Variants in EXOC3L4 observed in about 807,000 individuals in gnomAD.
EXOC3L4 encodes exocyst complex component 3-like protein 4.
In EXOC3L4, 62 loss-of-function variants were observed where a neutral mutation model predicts 69.7. That is an observed-to-expected ratio of 0.89 (90% CI 0.72 to 1.10). The LOEUF (loss-of-function observed/expected upper bound fraction) is 1.10, where lower values mean the gene tolerates loss of function less well. Among genes scored for constraint, EXOC3L4 ranks in the 50% least tolerant of loss-of-function variants. The probability of loss-of-function intolerance (pLI) is 0.00; values close to 1 mark genes in which losing one functional copy is unlikely to be tolerated. For synonymous variants in EXOC3L4, 502 were observed against 464.2 expected (o/e 1.08, Z -1.05); for missense variants, 1,087 against 1,034.8 (o/e 1.05, Z -0.69).
intron 5 of EXOC3L4, 64 bp from the exon 6 acceptor site, chr14:103,104,674 C>T: frequency 7.3e-7 from 1 of 1,368,986 alleles, no homozygotes; most frequent in South Asian, 1.5e-5. Context: ...CGGGGGCTAC[C>T]AGGGGACCCG....
In EXOC3L4 at chr14:103,097,905, T is replaced by TG. The variant is rs1454408699; in HGVS notation, c.-16-2293dup. 2.0e-5 allele frequency among the ~76,000 whole-genome samples: 3 copies of TG among 149,534 alleles called. No individual in the cohort carries two copies. Among genetic ancestry groups the TG allele is most frequent in the South Asian group, 4.3e-4 (2 of 4,680 alleles). On this transcript the variant is annotated intron_variant, in intron 1 of 11. Transcript: ENST00000688303. This position sits in a 1 kb window ranked among gnomAD's most constrained non-coding sequence, Gnocchi z 4.9. ...CTGGTGAGGTGTCATCAGCGGGAGG[T>TG]GGGGGGTGGAGGAAGGAGGTTCCAG...
In EXOC3L4 at chr14:103,109,182, T is replaced by TC. The variant is rs199908162; in HGVS notation, c.1976+666dup. Among the ~76,000 whole-genome samples, 292 of 49,686 alleles carry TC rather than the reference T, an allele frequency of 5.9e-3. 21 individuals are homozygous for TC. The highest frequency in any genetic ancestry group is 0.023 in the African/African-American group (272 of 11,708). The allele number at this position is 49,686 out of a possible 152,430, so 32.6% of individuals were successfully genotyped here. A position where few individuals can be genotyped will look rare whatever the true frequency, so the allele number is the denominator to read the frequency against. ...TCCACCACCTGTCCCCCGGTCTCCC[T>TC]CTCTCCCTCGCCACCCTGTCCCCAT... On this transcript the variant is annotated intron_variant, in intron 11 of 11. Coordinates refer to ENST00000688303, the MANE Select transcript of EXOC3L4 (RefSeq NM_001077594.2).
At chr14:103,101,575 ACAGGGTTG>A (rs1201029885) in intron 2 of EXOC3L4, among the ~76,000 whole-genome samples, 3 of 152,156 alleles carry the variant, frequency 2.0e-5, no homozygotes, top group African/African-American at 7.2e-5. Context: ...ACAGCTGATC[ACAGGGTTG>A]CAGAGGGTGC....
rs1890838336 is a variant in EXOC3L4 at position 103,110,060 on chromosome 14, T to C, written c.2006T>C (p.Leu669Pro). The change falls in exon 12 of 12, where the codon CTG becomes CCG. Residue 669 changes from leucine (L) to proline (P), a missense_variant. Coordinates refer to ENST00000688303, the MANE Select transcript of EXOC3L4 (RefSeq NM_001077594.2). ...GACCACATACTGGCCATTCTGGCGC[T>C]GCGCCGACTGGGCCGCCAGCGGAAC... ...RRDHILAILA[L>P]RRLGRQRNQH... The C allele has an allele frequency of 2.5e-6, 4 of 1,600,584 alleles. No individual in the cohort carries two copies. In the South Asian group the frequency reaches 4.5e-5, roughly 18 times the overall value.
chr14:103,107,485 T>G lies in EXOC3L4; in HGVS notation c.1643T>G (p.Met548Arg), dbSNP rs762788433. 1 of 1,613,820 alleles carries G rather than the reference T, an allele frequency of 6.2e-7. No individual in the cohort carries two copies. Among genetic ancestry groups the G allele is most frequent in the South Asian group, 1.1e-5 (1 of 91,086 alleles). The change falls in exon 9 of 12, where the codon ATG becomes AGG. Residue 548 changes from methionine to arginine, a missense_variant. Transcript: ENST00000688303. ...WLTQDWLHPL[M>R]DKVVTFAGHL... ...ACGCAGGACTGGCTGCATCCCCTCA[T>G]GGACAAGGTGGTGACCTTCGCCGGT...
chr14:103,106,140 C>G (rs1445713619), intron 7 of EXOC3L4, among the ~76,000 whole-genome samples: 2 of 152,248 alleles, frequency 1.3e-5, no homozygotes, highest in Admixed American at 6.5e-5. Flanking sequence ...AGAGCACAGG[C>G]CTGGAAAGGA....
At position 103,100,516 on chromosome 14, in the gene EXOC3L4, T is replaced by G. The variant is rs138581876; in HGVS notation, c.297T>G (p.His99Gln). The change falls in exon 2 of 12, where the codon CAT (histidine) becomes CAG (glutamine). Residue 99 changes from histidine (H) to glutamine (Q), a missense_variant. Physicochemically the swap from His to Gln is conservative, Grantham distance 24. Coordinates refer to ENST00000688303, the MANE Select transcript of EXOC3L4 (RefSeq NM_001077594.2). ...QALNDGPATGHSQATPEVPSG... is the reference protein window; with the variant it reads ...QALNDGPATGQSQATPEVPSG... The stretch of plus-strand genomic sequence containing the variant: ...TGAATGACGGCCCAGCTACCGGCCA[T>G]TCCCAGGCCACTCCTGAGGTGCCCT... The G allele has an allele frequency of 1.9e-5, 30 of 1,612,772 alleles. No individual in the cohort carries two copies. In the African/African-American group the frequency reaches 1.9e-4, roughly 10 times the overall value.
chr14:103,102,363 C>A lies in EXOC3L4; in HGVS notation c.640C>A (p.Leu214Met). The change falls in exon 3 of 12, where the codon CTG becomes ATG. Residue 214 changes from leucine (L) to methionine (M), a missense_variant. By Grantham distance (15) the Leu-to-Met change is conservative. Transcript: ENST00000688303. Reference sequence around the variant, plus strand: ...TGTGGACGCGGCCGCGCTGGCCGAGCTGGCCCGCGTGGTGAGCGCGGAGGA... The same window carrying A: ...TGTGGACGCGGCCGCGCTGGCCGAGATGGCCCGCGTGGTGAGCGCGGAGGA... Reference protein sequence around the residue: ...DGVDAAALAELARVVSAEEEA... With the variant: ...DGVDAAALAEMARVVSAEEEA... 2 of 1,562,436 alleles carry A rather than the reference C, an allele frequency of 1.3e-6. No individual in the cohort carries two copies. Among genetic ancestry groups the A allele is most frequent in the Non-Finnish European group, 1.7e-6 (2 of 1,160,828 alleles).
At position 103,100,499 on chromosome 14, in the gene EXOC3L4, G is replaced by A. The variant is rs777125027; in HGVS notation, c.280G>A (p.Gly94Ser). ...FRSFRQALNDGPATGHSQATP... is the reference protein window; with the variant it reads ...FRSFRQALNDSPATGHSQATP... ...GTCCTTCCGGCAAGCCCTGAATGAC[G>A]GCCCAGCTACCGGCCATTCCCAGGC... Residue 94 changes from glycine to serine, a missense_variant, in exon 2 of 12, where the codon GGC (glycine) becomes AGC (serine). By Grantham distance (56) the Gly-to-Ser change is moderately conservative. Coordinates refer to ENST00000688303, the MANE Select transcript of EXOC3L4 (RefSeq NM_001077594.2). The A allele has an allele frequency of 1.3e-5, 21 of 1,612,916 alleles. No individual in the cohort carries two copies. The highest frequency in any genetic ancestry group is 2.7e-5 in the African/African-American group (2 of 74,914).
chr14:103,098,790 C>T (rs1460196879), intron 1 of EXOC3L4: 1 of 152,352 alleles, frequency 6.6e-6, no homozygotes, highest in African/African-American at 2.4e-5. Flanking sequence ...TCCCTGAACC[C>T]TGGCGCTGGG....
At chr14:103,098,309 G>C (rs944079763) in intron 1 of EXOC3L4, among the ~76,000 whole-genome samples, 1 of 152,144 alleles carries the variant, frequency 6.6e-6, no homozygotes, top group African/African-American at 2.4e-5. Flanking sequence ...CGGGAGGGGA[G>C]CTTCTGGGCG....
chr14:103,107,843 C>G lies in EXOC3L4; in HGVS notation c.1854+60C>G. ...TCTGTGTGGGGAGTGGTGGCAGTGA[C>G]TAGGGCCTTAGCGCCGGGAGGGCTT... On this transcript the variant is annotated intron_variant, in intron 10 of 11. Transcript: ENST00000688303. 4 of 1,457,960 alleles carry G rather than the reference C, an allele frequency of 2.7e-6. No individual in the cohort carries two copies. The South Asian group carries it at 5.6e-5, about 21-fold the overall frequency. 90.3% of individuals were successfully genotyped at this position (1,457,960 alleles called of 1,614,324 possible). A position where few individuals can be genotyped will look rare whatever the true frequency, so the allele number is the denominator to read the frequency against.
intron 8 of EXOC3L4, among the ~76,000 whole-genome samples, chr14:103,107,159 C>G (rs1245299562): frequency 6.6e-6 from 1 of 152,186 alleles, no homozygotes; most frequent in Non-Finnish European, 1.5e-5. Flanking sequence ...GATCCAGGCC[C>G]AGGGTCCTCA....
chr14:103,107,437 T>C lies in EXOC3L4; in HGVS notation c.1595T>C (p.Val532Ala). 1 of 1,613,868 alleles carries C rather than the reference T, an allele frequency of 6.2e-7. No individual in the cohort carries two copies. The highest frequency in any genetic ancestry group is 1.3e-5 in the African/African-American group (1 of 75,038). Residue 532 changes from valine to alanine, a missense_variant, in exon 9 of 12, where the codon GTT becomes GCT. By Grantham distance (64) the Val-to-Ala change is moderately conservative. Transcript: ENST00000688303. ...LQRELQPLFRVVCTRDWLTQD... is the reference protein window; with the variant it reads ...LQRELQPLFRAVCTRDWLTQD... ...CTCTGTCCCCAGCCGCTCTTCAGGGTTGTGTGCACCAGGGACTGGCTGACG... is the reference window on the plus strand; with the variant it reads ...CTCTGTCCCCAGCCGCTCTTCAGGGCTGTGTGCACCAGGGACTGGCTGACG...
intron 1 of EXOC3L4, among the ~76,000 whole-genome samples, chr14:103,095,518 G>A (rs1478068793): frequency 6.6e-6 from 1 of 152,234 alleles, no homozygotes; most frequent in African/African-American, 2.4e-5. Flanking sequence ...ATTGTAGGCA[G>A]AGAGGATGGC....
rs868418936 is a variant in EXOC3L4, at chr14:103,102,303, G to A, written c.580G>A (p.Gly194Ser). 6.4e-7 allele frequency: 1 copy of A among 1,571,498 alleles called. No homozygotes were observed. Among genetic ancestry groups the A allele is most frequent in the East Asian group, 2.3e-5 (1 of 42,708 alleles). ...LLYDGLAAEI[G>S]AIVRETLDSD... ...TTACGACGGGCTGGCAGCCGAGATC[G>A]GCGCCATCGTGCGCGAGACGCTGGA... is the stretch of plus-strand genomic sequence containing the variant. The change falls in exon 3 of 12, where the codon GGC becomes AGC. Residue 194 changes from glycine to serine, a missense_variant. Physicochemically the swap from Gly to Ser is moderately conservative, Grantham distance 56. Transcript: ENST00000688303.
At chr14:103,105,271 G>A (rs539932918) in intron 7 of EXOC3L4, among the ~76,000 whole-genome samples, 199 bp downstream of exon 7, 54 of 151,854 alleles carry the variant, frequency 3.6e-4, no homozygotes, top group Non-Finnish European at 6.2e-4. Flanking sequence ...GTGTGTGTGC[G>A]TGTGTGATGG....
At position 103,102,620 on chromosome 14, in the gene EXOC3L4, C is replaced by G; in HGVS notation, c.897C>G (p.Pro299=). ...AGAAGGTGCGGCAGGAGGTGCAGCCCGCGTATGCGGCGGCCGGCTTCCCAG... is the reference window on the plus strand; with the variant it reads ...AGAAGGTGCGGCAGGAGGTGCAGCCGGCGTATGCGGCGGCCGGCTTCCCAG... ...DLQKVRQEVQ[P]AYAAAGFPAW... is the part of the protein sequence containing the mutation. Residue 299 remains proline, a synonymous_variant, in exon 3 of 12, where the codon CCC becomes CCG. Transcript: ENST00000688303. 1.0e-5 allele frequency: 15 copies of G among 1,500,808 alleles called. No homozygotes were observed. Among genetic ancestry groups the G allele is most frequent in the Non-Finnish European group, 1.2e-5 (14 of 1,130,114 alleles). The allele number at this position is 1,500,808 out of a possible 1,614,324, so 93.0% of individuals were successfully genotyped here.
chr14:103,095,311 C>T (rs1341461871), intron 1 of EXOC3L4, among the ~76,000 whole-genome samples: 1 of 152,238 alleles, frequency 6.6e-6, no homozygotes, highest in Non-Finnish European at 1.5e-5. Flanking sequence ...CACTCCCTGC[C>T]TTGCGGGTCT....
Sources: gnomAD v4.1 joint callset for allele counts (sites outside exome capture counted in the v4.1 genomes callset) on GRCh38, gnomAD v4.1.1 for gene constraint, Gnocchi (gnomAD v3.1) non-coding constraint, MANE v1.5 for transcripts, NCBI Gene and HGNC (gene_info 2026-07-23, HGNC 2026-07-21) for gene names.